The following CHRM3 variants were observed in gnomAD, a reference collection of about 807,000 sequenced individuals.
CHRM3 encodes the protein cholinergic receptor muscarinic 3.
CHRM3 carries 11 observed loss-of-function variants against 41.8 expected under a neutral mutation model. That is an observed-to-expected ratio of 0.26 (90% CI 0.17 to 0.44). The LOEUF is 0.44. Ranked by LOEUF, CHRM3 falls within the 20% of genes least tolerant of loss-of-function variation. The pLI is 1.00. For synonymous variants in CHRM3, 297 were observed against 301.4 expected (o/e 0.99, Z 0.15); for missense variants, 571 against 745.4 (o/e 0.77, Z 2.72).
At chr1:239,658,489 A>T (rs901776362) in intron 4 of CHRM3, among the ~76,000 whole-genome samples, 1 of 152,186 alleles carries the variant, frequency 6.6e-6, no homozygotes, top group Non-Finnish European at 1.5e-5. Context: ...ACATTTTTCA[A>T]TTGCATGCTG....
intron 6 of CHRM3, among the ~76,000 whole-genome samples, chr1:239,858,521 G>GA (rs35735156): frequency 0.35 from 50,429 of 143,610 alleles, 8,762 homozygotes; most frequent in Admixed American, 0.42. Flanking sequence ...TTTTCATTTG[G>GA]AAAAAAAAAA....
chr1:239,878,726 T>C (rs1422154209), intron 6 of CHRM3, among the ~76,000 whole-genome samples: 1 of 152,090 alleles, frequency 6.6e-6, no homozygotes, highest in African/African-American at 2.4e-5. Context: ...AAGGGGATGA[T>C]TAAGACCAGG....
intron 6 of CHRM3, among the ~76,000 whole-genome samples, chr1:239,864,157 C>T (rs1392188670): frequency 6.6e-6 from 1 of 151,342 alleles, no homozygotes; most frequent in Non-Finnish European, 1.5e-5. Context: ...AGGAAAGAGG[C>T]TAGTCCAGGA....
At chr1:239,565,022 G>A (rs558024106) in intron 3 of CHRM3, among the ~76,000 whole-genome samples, 10 of 152,134 alleles carry the variant, frequency 6.6e-5, no homozygotes, top group East Asian at 5.8e-4. Flanking sequence ...TGGTTGTGGC[G>A]CTCCTTAGCT....
intron 1 of CHRM3, among the ~76,000 whole-genome samples, chr1:239,410,940 T>C (rs1661015624): frequency 6.6e-6 from 1 of 152,200 alleles, no homozygotes; most frequent in Non-Finnish European, 1.5e-5. Context: ...TGGGCGTCCT[T>C]AAATGTGCTT....
intron 5 of CHRM3, among the ~76,000 whole-genome samples, chr1:239,690,063 A>AGAG (rs5782091): frequency 0.042 from 6,235 of 150,168 alleles, 172 homozygotes; most frequent in East Asian, 0.075. Flanking sequence ...AGAGAGAGAG[A>AGAG]GAGACAGAGA....
At chr1:239,828,147 C>T (rs1672605246) in intron 6 of CHRM3, among the ~76,000 whole-genome samples, 1 of 152,196 alleles carries the variant, frequency 6.6e-6, no homozygotes, top group Non-Finnish European at 1.5e-5. Flanking sequence ...CACAAATACA[C>T]ACATGGTGAC....
At chr1:239,561,976 C>T (rs904443639) in intron 3 of CHRM3, among the ~76,000 whole-genome samples, 5 of 152,082 alleles carry the variant, frequency 3.3e-5, no homozygotes, top group Non-Finnish European at 5.9e-5. Flanking sequence ...TTTTCTTTCC[C>T]GTCGTCCATT....
At chr1:239,899,541 C>T (rs955393415) in intron 6 of CHRM3, among the ~76,000 whole-genome samples, 18 of 147,204 alleles carry the variant, frequency 1.2e-4, no homozygotes, top group South Asian at 4.4e-4. Flanking sequence ...AGCCAATTAG[C>T]GGACCAATTA....
intron 5 of CHRM3, among the ~76,000 whole-genome samples, chr1:239,728,589 A>T (rs1053060456): frequency 6.6e-6 from 1 of 152,030 alleles, no homozygotes; most frequent in African/African-American, 2.4e-5. Flanking sequence ...AACAATTGAC[A>T]AGTCTCTATA....
intron 4 of CHRM3, among the ~76,000 whole-genome samples, chr1:239,644,377 C>G (rs1264251955): frequency 1.3e-5 from 2 of 152,170 alleles, no homozygotes; most frequent in African/African-American, 4.8e-5. Flanking sequence ...CCTGTTCCCC[C>G]AGGGTCCTCA....
intron 5 of CHRM3, among the ~76,000 whole-genome samples, chr1:239,783,565 T>G (rs898849260): frequency 6.6e-6 from 1 of 152,068 alleles, no homozygotes; most frequent in Non-Finnish European, 1.5e-5. Context: ...GAGAAGTGAG[T>G]AAATAGTCAA....
chr1:239,760,817 G>A (rs1215359817), intron 5 of CHRM3, among the ~76,000 whole-genome samples: 4 of 152,124 alleles, frequency 2.6e-5, no homozygotes, highest in African/African-American at 7.2e-5. Flanking sequence ...CTGGCTTTAA[G>A]CAGTTTCATG....
chr1:239,600,196 C>G lies in CHRM3; in HGVS notation c.-312-32028C>G, dbSNP rs370595229. On this transcript the variant is annotated intron_variant, in intron 3 of 6. Coordinates refer to ENST00000676153, the MANE Select transcript of CHRM3 (RefSeq NM_001375978.1). Reference sequence around the variant, plus strand: ...TGCTCCTTCCTCTCCATCCTCATCTCCACTCCCTTTGTTCAGACCCACATC... The same window carrying G: ...TGCTCCTTCCTCTCCATCCTCATCTGCACTCCCTTTGTTCAGACCCACATC... 4.8e-4 allele frequency among the ~76,000 whole-genome samples: 73 copies of G among 152,214 alleles called. 1 individual carries two copies. The highest frequency in any genetic ancestry group is 1.7e-3 in the African/African-American group (71 of 41,538).
intron 3 of CHRM3, among the ~76,000 whole-genome samples, chr1:239,618,278 T>C (rs1003518233): frequency 9.5e-5 from 11 of 115,242 alleles, no homozygotes; most frequent in African/African-American, 2.4e-4. Context: ...TTTTTCTTTC[T>C]TTTTTTTTTT....
rs1001756587 is a variant in CHRM3 at position 239,909,478 on chromosome 1, G to GT, written c.*261dup. ...ATTTATTCTGAAATAGACTTTACGTGTTTTTTTCTTAAAGAGGAGAAAAAT... is the reference window on the plus strand; with the variant it reads ...ATTTATTCTGAAATAGACTTTACGTGTTTTTTTTCTTAAAGAGGAGAAAAAT... On this transcript the variant is annotated 3_prime_UTR_variant, in exon 7 of 7. Transcript: ENST00000676153. 14 of 378,908 alleles carry GT rather than the reference G, an allele frequency of 3.7e-5. No individual in the cohort carries two copies. Among genetic ancestry groups the GT allele is most frequent in the Middle Eastern group, 7.3e-4 (1 of 1,378 alleles). The allele number at this position is 378,908 out of a possible 1,614,324, so 23.5% of individuals were successfully genotyped here. A position where few individuals can be genotyped will look rare whatever the true frequency, so the allele number is the denominator to read the frequency against.
intron 4 of CHRM3, among the ~76,000 whole-genome samples, chr1:239,675,627 T>C (rs897981443): frequency 1.3e-5 from 2 of 152,216 alleles, no homozygotes; most frequent in Non-Finnish European, 2.9e-5. Context: ...ATCACTCTTC[T>C]TTAAAGCCAA....
chr1:239,594,515 G>T (rs1392685494), intron 3 of CHRM3, among the ~76,000 whole-genome samples: 1 of 152,176 alleles, frequency 6.6e-6, no homozygotes, highest in Non-Finnish European at 1.5e-5. Context: ...GAATCAAGTT[G>T]TCATTGGTGA....
At chr1:239,812,208 T>G (rs1432128981) in intron 5 of CHRM3, among the ~76,000 whole-genome samples, 1 of 152,098 alleles carries the variant, frequency 6.6e-6, no homozygotes, top group Non-Finnish European at 1.5e-5. Context: ...CCCAGCTAAT[T>G]TTTGTATTTT....
Sources: allele counts gnomAD v4.1 joint callset (sites outside exome capture counted in the v4.1 genomes callset), GRCh38; gene constraint gnomAD v4.1.1; transcripts MANE v1.5; gene names NCBI Gene and HGNC (gene_info 2026-07-23, HGNC 2026-07-21).